TBC1D1: variants seen among roughly 807,000 people sequenced by gnomAD.
TBC1D1 encodes TBC1 (tre-2/USP6, BUB2, cdc16) domain family, member 1.
Under a neutral mutation model 125.6 loss-of-function variants are expected in TBC1D1, and 89 were observed. The observed-to-expected ratio is 0.71, with a 90% CI of 0.60 to 0.85. The LOEUF is 0.85. Ranked by LOEUF, TBC1D1 falls within the 40% of genes least tolerant of loss-of-function variation. TBC1D1 has a pLI of 0.00. For synonymous variants in TBC1D1, 565 were observed against 564.1 expected, an observed-to-expected ratio of 1.00 and a Z score of -0.02; for missense variants, 1,377 against 1,469.2, an observed-to-expected ratio of 0.94 and a Z score of 1.03.
In TBC1D1 at chr4:38,054,331, A is replaced by AT. The variant is rs1560702571; in HGVS notation, c.2044dup (p.Tyr682LeufsTer2). On this transcript the variant is annotated frameshift_variant, in exon 12 of 20. Transcript: ENST00000261439. LOFTEE classifies it high-confidence loss of function. ...AGAAGGCGTGCGATTCTTCCAGCAG[A>AT]TATGAAGGTAAGGCCGGTACCTGAA... 1 of 1,614,108 alleles carries AT rather than the reference A, an allele frequency of 6.2e-7. No individual in the cohort carries two copies. Among genetic ancestry groups the AT allele is most frequent in the African/African-American group, 1.3e-5 (1 of 75,032 alleles).
intron 2 of TBC1D1, among the ~76,000 whole-genome samples, chr4:37,934,130 C>T (rs1284051478): frequency 6.6e-6 from 1 of 152,162 alleles, no homozygotes; most frequent in Non-Finnish European, 1.5e-5. Flanking sequence ...CATAGTCATC[C>T]AGTGTGTTAT....
chr4:37,910,628 A>ATG (rs1560466431), intron 2 of TBC1D1, among the ~76,000 whole-genome samples: 2 of 152,170 alleles, frequency 1.3e-5, no homozygotes, highest in Non-Finnish European at 2.9e-5. Context: ...AGGGAGTAGA[A>ATG]TGATGGTTAC....
chr4:37,999,567 CAGA>C (rs1254358439), intron 2 of TBC1D1, among the ~76,000 whole-genome samples: 1 of 151,828 alleles, frequency 6.6e-6, no homozygotes, highest in African/African-American at 2.4e-5. Context: ...GGTGTTACAG[CAGA>C]AGACCAGGTG....
rs183952303 is a variant in TBC1D1, at chr4:38,030,881, A to C, written c.1302+3002A>C. Among the ~76,000 whole-genome samples, 1,372 of 152,352 alleles carry C rather than the reference A, an allele frequency of 9.0e-3. 20 individuals are homozygous for C. Among genetic ancestry groups the C allele is most frequent in the African/African-American group, 0.031 (1,305 of 41,580 alleles). On this transcript the variant is annotated intron_variant, in intron 7 of 19. Coordinates refer to ENST00000261439, the MANE Select transcript of TBC1D1 (RefSeq NM_015173.4). ...GGATCATGTAAATGAATATTAAATC[A>C]AAAAATGGAACTCTAACAGCTATAA... is the stretch of plus-strand genomic sequence containing the variant.
rs1232151223 is a variant in TBC1D1, at chr4:38,015,454, GGCTT to G, written c.882+490_882+493del. On this transcript the variant is annotated intron_variant, in intron 3 of 19. Coordinates refer to ENST00000261439, the MANE Select transcript of TBC1D1 (RefSeq NM_015173.4). The stretch of plus-strand genomic sequence containing the variant: ...AAACTGAAATATTAATTTAGCCAAT[GGCTT>G]GCTTGCTTTTTTTTTTTTTAGAAAA... Among the ~76,000 whole-genome samples, 22 of 151,676 alleles carry G rather than the reference GGCTT, an allele frequency of 1.5e-4. No homozygotes were observed. The South Asian group carries it at 4.2e-3, about 29-fold the overall frequency.
intron 2 of TBC1D1, among the ~76,000 whole-genome samples, chr4:37,934,063 G>A (rs570774530): frequency 1.3e-5 from 2 of 152,336 alleles, no homozygotes; most frequent in Admixed American, 6.5e-5. Context: ...TGTGTTCTGG[G>A]TGAGCAGTGG....
At chr4:38,021,929 C>G (rs916872940) in intron 6 of TBC1D1, among the ~76,000 whole-genome samples, 1 of 152,132 alleles carries the variant, frequency 6.6e-6, no homozygotes. Flanking sequence ...AACCCAGAAC[C>G]CCCTTCTGCC....
rs576395005 is a variant in TBC1D1 at position 37,951,461 on chromosome 4, A to G, written c.417+48949A>G. Among the ~76,000 whole-genome samples the G allele has an allele frequency of 2.0e-5, 3 of 152,362 alleles. No individual in the cohort carries two copies. The East Asian group carries it at 5.8e-4, about 29-fold the overall frequency. ...AATCTATAAACAAAACTTTGCTGCTATAAGAACTGCATTATAAGAAGGAAG... is the reference window on the plus strand; with the variant it reads ...AATCTATAAACAAAACTTTGCTGCTGTAAGAACTGCATTATAAGAAGGAAG... On this transcript the variant is annotated intron_variant, in intron 2 of 19. Transcript: ENST00000261439.
intron 18 of TBC1D1, among the ~76,000 whole-genome samples, chr4:38,126,624 C>T (rs970596460): frequency 1.3e-5 from 2 of 152,218 alleles, no homozygotes; most frequent in Non-Finnish European, 2.9e-5. Flanking sequence ...TTGAGAGCCT[C>T]TCCATCTCTT....
At chr4:38,124,734 A>G (rs1578834690) in intron 17 of TBC1D1, among the ~76,000 whole-genome samples, 1 of 152,186 alleles carries the variant, frequency 6.6e-6, no homozygotes, top group African/African-American at 2.4e-5. Flanking sequence ...GCATGTTTGA[A>G]TTTTATTTTC....
At chr4:38,099,556 G>A (rs1391687382) in intron 14 of TBC1D1, among the ~76,000 whole-genome samples, 1 of 152,100 alleles carries the variant, frequency 6.6e-6, no homozygotes, top group Admixed American at 6.5e-5. Context: ...AGTTATGGGT[G>A]GTTTTTCACT....
chr4:38,132,477 T>C (rs1765749019), intron 18 of TBC1D1, among the ~76,000 whole-genome samples: 1 of 152,184 alleles, frequency 6.6e-6, no homozygotes, highest in Non-Finnish European at 1.5e-5. Context: ...ACCATTACTA[T>C]TGTGGGAAAG....
At chr4:37,947,108 TC>T (rs1033116404) in intron 2 of TBC1D1, among the ~76,000 whole-genome samples, 9 of 152,152 alleles carry the variant, frequency 5.9e-5, no homozygotes, top group African/African-American at 2.2e-4. Context: ...TTACCCGCAC[TC>T]CCCAAGTAAA....
At chr4:37,911,299 C>G (rs752080405) in intron 2 of TBC1D1, among the ~76,000 whole-genome samples, 1 of 152,142 alleles carries the variant, frequency 6.6e-6, no homozygotes, top group African/African-American at 2.4e-5. Flanking sequence ...TCTTGTTTCT[C>G]GCTTTTCTCT....
At chr4:38,069,722 G>A (rs867698815) in intron 12 of TBC1D1, among the ~76,000 whole-genome samples, 1 of 152,166 alleles carries the variant, frequency 6.6e-6, no homozygotes, top group East Asian at 1.9e-4. Flanking sequence ...TCCAGGTTTC[G>A]AGAGGGAGAA....
chr4:38,100,794 T>C (rs1351085260), intron 14 of TBC1D1, among the ~76,000 whole-genome samples: 5 of 152,186 alleles, frequency 3.3e-5, no homozygotes, highest in African/African-American at 1.2e-4. Flanking sequence ...AGTGAGACTT[T>C]TGAATCTGTT....
rs80027452 is a variant in TBC1D1 at position 38,086,815 on chromosome 4, A to T, written c.2051-3117A>T. 8.8e-3 allele frequency among the ~76,000 whole-genome samples: 1,338 copies of T among 152,288 alleles called. 22 individuals carry two copies. Among genetic ancestry groups the T allele is most frequent in the African/African-American group, 0.031 (1,273 of 41,562 alleles). ...AGTGGAGGCATTACTGGGGAGCTTGATGGAAATGCTCCCCTCAGACTTGCT... is the reference window on the plus strand; with the variant it reads ...AGTGGAGGCATTACTGGGGAGCTTGTTGGAAATGCTCCCCTCAGACTTGCT... On this transcript the variant is annotated intron_variant, in intron 12 of 19. Coordinates refer to ENST00000261439, the MANE Select transcript of TBC1D1 (RefSeq NM_015173.4).
intron 12 of TBC1D1, among the ~76,000 whole-genome samples, chr4:38,061,540 T>C (rs1752771811): frequency 6.6e-6 from 1 of 152,216 alleles, no homozygotes; most frequent in African/African-American, 2.4e-5. Flanking sequence ...TCACCAACAA[T>C]AGAAGCTTTC....
intron 8 of TBC1D1, among the ~76,000 whole-genome samples, chr4:38,039,871 T>C (rs929627661): frequency 6.6e-6 from 1 of 151,980 alleles, no homozygotes; most frequent in Non-Finnish European, 1.5e-5. Context: ...CCTAGCACTT[T>C]GGGAGGCTGA....
Sources: allele counts gnomAD v4.1 joint callset (sites outside exome capture counted in the v4.1 genomes callset), GRCh38; gene constraint gnomAD v4.1.1; transcripts MANE v1.5; gene names NCBI Gene and HGNC (gene_info 2026-07-23, HGNC 2026-07-21).